The following SYT1 variants were observed in gnomAD, a reference collection of about 807,000 sequenced individuals.
SYT1 encodes synaptotagmin 1.
A neutral mutation model predicts 44.8 loss-of-function variants in SYT1; 8 were observed. The ratio of observed to expected loss-of-function variants is 0.18; its 90% confidence interval spans 0.10 to 0.32. SYT1 has a LOEUF of 0.32. Among genes scored for constraint, SYT1 ranks in the 10% least tolerant of loss-of-function variants. The probability of loss-of-function intolerance (pLI) is 1.00; values close to 1 mark genes in which losing one functional copy is unlikely to be tolerated. For missense variants in SYT1, 286 were observed against 509.3 expected (o/e 0.56, Z 4.22); for synonymous variants, 154 against 188.8 (o/e 0.82, Z 1.51).
chr12:79,183,998 T>G (rs1325431049), intron 3 of SYT1, among the ~76,000 whole-genome samples: 1 of 152,044 alleles, frequency 6.6e-6, no homozygotes, highest in African/African-American at 2.4e-5. Flanking sequence ...CTAGCTACCT[T>G]CCTAAAATAT....
intron 2 of SYT1, among the ~76,000 whole-genome samples, chr12:78,985,331 GTTA>G (rs1869568391): frequency 6.6e-6 from 1 of 151,818 alleles, no homozygotes; most frequent in Non-Finnish European, 1.5e-5. Flanking sequence ...TAGGTGATAA[GTTA>G]TTATACGATT....
At chr12:79,152,686 C>G (rs1185996452) in intron 3 of SYT1, among the ~76,000 whole-genome samples, 1 of 151,826 alleles carries the variant, frequency 6.6e-6, no homozygotes, top group Non-Finnish European at 1.5e-5. Flanking sequence ...AGTGAGGACA[C>G]AGCTTGGAAT....
chr12:79,292,068 AAAG>A lies in SYT1; in HGVS notation c.417_419del (p.Glu141del), dbSNP rs764370067. On this transcript the variant is annotated inframe_deletion, in exon 6 of 11. Coordinates refer to ENST00000261205, the MANE Select transcript of SYT1 (RefSeq NM_005639.3). ...AGATGGAGAAGAAAAAGAAGAACCC[AAAG>A]AAGAGGAGAAACTGGGAAAACTTCA... 1.9e-6 allele frequency: 3 copies of A among 1,614,022 alleles called. No homozygotes were observed. The Admixed American group carries it at 5.0e-5, about 27-fold the overall frequency.
chr12:79,106,599 G>A (rs1212835535), intron 3 of SYT1, among the ~76,000 whole-genome samples: 2 of 149,584 alleles, frequency 1.3e-5, no homozygotes, highest in Non-Finnish European at 3.0e-5. Context: ...AACTCTCATA[G>A]GGAACTTTTT....
chr12:79,286,173 T>C (rs979313778), intron 5 of SYT1, among the ~76,000 whole-genome samples: 1 of 152,154 alleles, frequency 6.6e-6, no homozygotes, highest in Admixed American at 6.5e-5. Context: ...CCTGAGCATA[T>C]AGAACAGAAA....
chr12:79,437,530 G>A (rs952551845), intron 9 of SYT1, among the ~76,000 whole-genome samples: 7 of 152,168 alleles, frequency 4.6e-5, no homozygotes, highest in African/African-American at 1.7e-4. Context: ...GAGTTAAGGT[G>A]GTCATGGCCT....
chr12:79,236,307 A>C, intron 4 of SYT1, among the ~76,000 whole-genome samples: 1 of 152,172 alleles, frequency 6.6e-6, no homozygotes, highest in East Asian at 1.9e-4. Context: ...TCTATAGTTT[A>C]ACCCCAACCT....
At chr12:79,160,664 T>G (rs1870892840) in intron 3 of SYT1, among the ~76,000 whole-genome samples, 1 of 152,090 alleles carries the variant, frequency 6.6e-6, no homozygotes, top group Non-Finnish European at 1.5e-5. Flanking sequence ...TTGAAAGTGC[T>G]GCCAAGACAT....
chr12:79,154,310 A>C (rs1870457434), intron 3 of SYT1, among the ~76,000 whole-genome samples: 1 of 152,116 alleles, frequency 6.6e-6, no homozygotes, highest in Non-Finnish European at 1.5e-5. Context: ...ATTGGTTAAC[A>C]TGTATTGAGT....
intron 1 of SYT1, among the ~76,000 whole-genome samples, chr12:78,869,767 T>C (rs1873723691): frequency 6.6e-6 from 1 of 152,074 alleles, no homozygotes; most frequent in Non-Finnish European, 1.5e-5. Flanking sequence ...GTAATTGCTC[T>C]AATTTTTATA....
intron 4 of SYT1, among the ~76,000 whole-genome samples, chr12:79,236,621 A>G (rs1876206774): frequency 6.6e-6 from 1 of 152,226 alleles, no homozygotes; most frequent in African/African-American, 2.4e-5. Flanking sequence ...CTTCCTTACT[A>G]GATTTTTAAG....
intron 8 of SYT1, among the ~76,000 whole-genome samples, chr12:79,325,291 CT>C (rs1014951190): frequency 1.2e-4 from 19 of 152,116 alleles, no homozygotes; most frequent in African/African-American, 4.1e-4. Context: ...TACAGTGTTA[CT>C]TTTTAAATCA....
chr12:78,928,526 TC>T (rs1191625814), intron 1 of SYT1, among the ~76,000 whole-genome samples: 2 of 152,148 alleles, frequency 1.3e-5, no homozygotes, highest in Non-Finnish European at 1.5e-5. Flanking sequence ...AGGAAGCACT[TC>T]CCAGCTTCTG....
rs76568866 is a variant in SYT1 at position 79,051,045 on chromosome 12, G to GA, written c.-18+3692dup. ...AGCTCTTATATCTAGTGATAGAATT[G>GA]AAAAAAAAATCTGTGCTAATTAACC... On this transcript the variant is annotated intron_variant, in intron 3 of 10. Transcript: ENST00000261205. 4.5e-3 allele frequency among the ~76,000 whole-genome samples: 675 copies of GA among 148,832 alleles called. 14 individuals carry two copies. The East Asian group carries it at 0.067, about 15-fold the overall frequency.
At chr12:79,190,915 G>A (rs1354745803) in intron 3 of SYT1, among the ~76,000 whole-genome samples, 18 of 151,730 alleles carry the variant, frequency 1.2e-4, no homozygotes, top group Admixed American at 1.2e-3. Flanking sequence ...CCAATAATGA[G>A]AGCAGCTACT....
At chr12:79,163,442 A>G (rs1177586090) in intron 3 of SYT1, among the ~76,000 whole-genome samples, 3 of 152,132 alleles carry the variant, frequency 2.0e-5, no homozygotes, top group Admixed American at 2.0e-4. Context: ...TAGCTCATGC[A>G]TCCTAAGGGG....
At chr12:78,910,371 A>C (rs899226513) in intron 1 of SYT1, among the ~76,000 whole-genome samples, 17 of 152,080 alleles carry the variant, frequency 1.1e-4, no homozygotes, top group African/African-American at 3.4e-4. Flanking sequence ...CTAAACATTC[A>C]ATTTCTGCCT....
At chr12:79,418,895 A>G (rs1868921678) in intron 9 of SYT1, among the ~76,000 whole-genome samples, 1 of 152,146 alleles carries the variant, frequency 6.6e-6, no homozygotes, top group African/African-American at 2.4e-5. Flanking sequence ...GTAAAATATG[A>G]ACACCTGAGG....
intron 3 of SYT1, among the ~76,000 whole-genome samples, chr12:79,071,748 C>A (rs1876293364): frequency 6.6e-6 from 1 of 152,100 alleles, no homozygotes; most frequent in African/African-American, 2.4e-5. Flanking sequence ...CTTCACATGG[C>A]TGTCTTCCCT....
Sources: gnomAD v4.1 joint callset for allele counts (sites outside exome capture counted in the v4.1 genomes callset) on GRCh38, gnomAD v4.1.1 for gene constraint, MANE v1.5 for transcripts, NCBI Gene and HGNC (gene_info 2026-07-23, HGNC 2026-07-21) for gene names.